The following MRTFA variants were observed in gnomAD, a reference collection of about 807,000 sequenced individuals.
The protein encoded by MRTFA is myocardin-related transcription factor A.
Under a neutral mutation model 83.5 loss-of-function variants are expected in MRTFA, and 20 were observed. The observed-to-expected ratio is 0.24, with a 90% CI of 0.17 to 0.35. MRTFA has a LOEUF of 0.35. Ranked by LOEUF, MRTFA falls within the 10% of genes least tolerant of loss-of-function variation. MRTFA has a pLI of 1.00. For missense variants in MRTFA, 1,200 were observed against 1,224.7 expected (o/e 0.98, Z 0.30); for synonymous variants, 659 against 541.2 (o/e 1.22, Z -3.02).
chr22:40,488,454 A>T (rs1200277986), intron 3 of MRTFA, among the ~76,000 whole-genome samples: 1 of 152,168 alleles, frequency 6.6e-6, no homozygotes, highest in African/African-American at 2.4e-5. Context: ...CTACTTGGGG[A>T]GGCTGACAGA....
intron 12 of MRTFA, 58 bp downstream of exon 12, chr22:40,418,316 C>T (rs938538169): frequency 1.8e-4 from 284 of 1,577,958 alleles, no homozygotes; most frequent in South Asian, 2.7e-4. Context: ...AGGGCTGTAG[C>T]GAGACGCTCT....
rs148161217 is a variant in MRTFA at position 40,536,051 on chromosome 22, G to A, written c.241+16055C>T. Reference sequence around the variant, plus strand: ...AATTAAACAAGAAGCACTTACTTTCGTAGGCCAAACGGGAGGGTGGGTTGA... The same window carrying A: ...AATTAAACAAGAAGCACTTACTTTCATAGGCCAAACGGGAGGGTGGGTTGA... On this transcript the variant is annotated intron_variant, in intron 3 of 14. Coordinates refer to ENST00000355630, the MANE Select transcript of MRTFA (RefSeq NM_020831.6). Among the ~76,000 whole-genome samples, 504 of 151,612 alleles carry A rather than the reference G, an allele frequency of 3.3e-3. 2 individuals carry two copies. Among genetic ancestry groups the A allele is most frequent in the Non-Finnish European group, 5.4e-3 (367 of 67,918 alleles).
At position 40,538,577 on chromosome 22, in the gene MRTFA, TA is replaced by T. The variant is rs61145348; in HGVS notation, c.241+13528del. ...AAGAATTATCAATAAAAAAATAAAT[TA>T]AAAAAAAAATTAAACAAGAAGCAAT... is the stretch of plus-strand genomic sequence containing the variant. On this transcript the variant is annotated intron_variant, in intron 3 of 14. Transcript: ENST00000355630. 1.2e-3 allele frequency among the ~76,000 whole-genome samples: 185 copies of T among 150,470 alleles called. 3 individuals are homozygous for T. The highest frequency in any genetic ancestry group is 6.8e-3 in the Middle Eastern group (2 of 292).
At chr22:40,419,953 C>G (rs1028801864) in intron 11 of MRTFA, among the ~76,000 whole-genome samples, 4 of 152,194 alleles carry the variant, frequency 2.6e-5, no homozygotes, top group Non-Finnish European at 5.9e-5. Context: ...TCTGCATTAA[C>G]CGGCAAAGGG....
rs1569279830 is a variant in MRTFA at position 40,463,292 on chromosome 22, G to C, written c.242-6C>G. 5.6e-6 allele frequency: 9 copies of C among 1,613,566 alleles called. No individual in the cohort carries two copies. The highest frequency in any genetic ancestry group is 7.6e-6 in the Non-Finnish European group (9 of 1,179,670). ...CTGGAGTTTCAACTGTAGCACTGCA[G>C]GGCAGCAGAGAGAGAGGAGAGATGA... On this transcript the variant is annotated splice_polypyrimidine_tract_variant and splice_region_variant and intron_variant, in intron 3 of 14. Coordinates refer to ENST00000355630, the MANE Select transcript of MRTFA (RefSeq NM_020831.6).
intron 3 of MRTFA, among the ~76,000 whole-genome samples, chr22:40,521,439 C>T (rs904483740): frequency 1.3e-5 from 2 of 152,004 alleles, no homozygotes; most frequent in African/African-American, 2.4e-5. Context: ...ATTTCTAAAA[C>T]GTTTAAAGTT....
At chr22:40,425,127 G>A (rs370448225) in intron 7 of MRTFA, among the ~76,000 whole-genome samples, 1 of 152,244 alleles carries the variant, frequency 6.6e-6, no homozygotes, top group Admixed American at 6.5e-5. Context: ...CCAAGCTCTG[G>A]ATGACTGTGA....
intron 3 of MRTFA, among the ~76,000 whole-genome samples, chr22:40,471,112 T>C (rs928437981): frequency 1.3e-5 from 2 of 148,902 alleles, no homozygotes; most frequent in African/African-American, 5.0e-5. Flanking sequence ...CCGGGTGTGG[T>C]AGCTCACACC....
At chr22:40,536,521 G>A (rs1182816518) in intron 3 of MRTFA, among the ~76,000 whole-genome samples, 3 of 129,186 alleles carry the variant, frequency 2.3e-5, no homozygotes, top group African/African-American at 8.7e-5. Context: ...CTGCCCGGCC[G>A]CCACCCCGTC....
chr22:40,537,837 C>G (rs1161391824), intron 3 of MRTFA, among the ~76,000 whole-genome samples: 4 of 20,092 alleles, frequency 2.0e-4, no homozygotes, highest in Admixed American at 8.1e-4. Flanking sequence ...GCCCTCCGCC[C>G]GGCCAGCCGC....
In MRTFA at chr22:40,456,314, T is replaced by TA. The variant is rs879436745; in HGVS notation, c.307+6906dup. On this transcript the variant is annotated intron_variant, in intron 4 of 14. Transcript: ENST00000355630. ...CTTTGCTGTGAAACTGAAACTTCTG[T>TA]AAAAAAAAAAAATACTATTTTAAAA... is the stretch of plus-strand genomic sequence containing the variant. Among the ~76,000 whole-genome samples, 1,288 of 145,114 alleles carry TA rather than the reference T, an allele frequency of 8.9e-3. 12 individuals carry two copies. Among genetic ancestry groups the TA allele is most frequent in the African/African-American group, 0.027 (1,062 of 39,798 alleles).
chr22:40,577,058 A>C (rs1412438122), intron 2 of MRTFA, among the ~76,000 whole-genome samples: 1 of 152,054 alleles, frequency 6.6e-6, no homozygotes, highest in East Asian at 1.9e-4. Flanking sequence ...CCTCATCTCC[A>C]CAAAAAATTT....
intron 5 of MRTFA, among the ~76,000 whole-genome samples, chr22:40,434,157 C>T (rs2053122539): frequency 6.6e-6 from 1 of 152,164 alleles, no homozygotes; most frequent in South Asian, 2.1e-4. Context: ...CTGGTCCCTG[C>T]CTATTTGAGA....
chr22:40,480,742 AC>A (rs1277107817), intron 3 of MRTFA, among the ~76,000 whole-genome samples: 1 of 126,800 alleles, frequency 7.9e-6, no homozygotes, highest in Non-Finnish European at 1.6e-5. Context: ...GGAGTTCAAG[AC>A]TTTTTTTTTT....
Position 40,417,342 on chromosome 22 carries a change from T to C in MRTFA, c.2516A>G (p.Gln839Arg). Residue 839 changes from glutamine (Q) to arginine (R), a missense_variant and splice_region_variant, in exon 13 of 15, where the codon CAG becomes CGG. Around this residue, in one of 2 missense-constraint regions of MRTFA, gnomAD observed 1,107 missense variants for 1,041.8 expected, o/e 1.06. Coordinates refer to ENST00000355630, the MANE Select transcript of MRTFA (RefSeq NM_020831.6). ...CCAGGCCTAGCCCGCCTTCCTCACC[T>C]GCTGTTTGGGCTGCTGGCTCATGGC... 1 of 1,610,798 alleles carries C rather than the reference T, an allele frequency of 6.2e-7. No homozygotes were observed.
At chr22:40,565,365 A>G (rs1602437175) in intron 2 of MRTFA, among the ~76,000 whole-genome samples, 1 of 152,244 alleles carries the variant, frequency 6.6e-6, no homozygotes, top group African/African-American at 2.4e-5. Context: ...TGGCCAATAC[A>G]GTGAAACTCC....
intron 2 of MRTFA, among the ~76,000 whole-genome samples, chr22:40,582,115 T>A (rs543551871): frequency 9.8e-4 from 150 of 152,336 alleles, no homozygotes; most frequent in African/African-American, 3.5e-3. Flanking sequence ...ATCTACTTTC[T>A]GTCTCTACGG....
chr22:40,608,467 T>C (rs916671073), intron 1 of MRTFA, among the ~76,000 whole-genome samples: 1 of 152,234 alleles, frequency 6.6e-6, no homozygotes, highest in South Asian at 2.1e-4. Context: ...GGTGACCTTT[T>C]TAAATAATAG....
chr22:40,429,452 G>T, intron 7 of MRTFA, 154 bp downstream of exon 7: 1 of 825,278 alleles, frequency 1.2e-6, no homozygotes, highest in Non-Finnish European at 2.1e-6. Context: ...TGTGCATGAG[G>T]CTCTCAAACT....
Sources: gnomAD v4.1 joint callset for allele counts (sites outside exome capture counted in the v4.1 genomes callset) on GRCh38, gnomAD v4.1.1 for gene constraint, gnomAD v4.1.1 regional missense constraint, MANE v1.5 for transcripts, NCBI Gene and HGNC (gene_info 2026-07-23, HGNC 2026-07-21) for gene names.